LRRC3B: variants seen among roughly 807,000 people sequenced by gnomAD.
LRRC3B encodes leucine-rich repeat-containing protein 3B.
A neutral mutation model predicts 12.8 loss-of-function variants in LRRC3B; 2 were observed. The observed-to-expected ratio is 0.16, with a 90% CI of 0.06 to 0.49. LRRC3B has a LOEUF of 0.49. Ranked by LOEUF, LRRC3B falls within the 20% of genes least tolerant of loss-of-function variation. The pLI is 0.96. For missense variants in LRRC3B, 189 were observed against 319.4 expected, an observed-to-expected ratio of 0.59 and a Z score of 3.11; for synonymous variants, 132 against 122.0, an observed-to-expected ratio of 1.08 and a Z score of -0.54.
intron 1 of LRRC3B, among the ~76,000 whole-genome samples, chr3:26,634,273 A>G (rs1001730798): frequency 2.0e-5 from 3 of 152,202 alleles, no homozygotes; most frequent in African/African-American, 7.2e-5. Flanking sequence ...CTTGCAAAGA[A>G]TCAGACAAGT....
At chr3:26,680,765 A>G (rs544945099) in intron 1 of LRRC3B, among the ~76,000 whole-genome samples, 1 of 152,338 alleles carries the variant, frequency 6.6e-6, no homozygotes, top group East Asian at 1.9e-4. Context: ...GTCTCCAACA[A>G]CTTTGTTTCA....
intron 1 of LRRC3B, among the ~76,000 whole-genome samples, chr3:26,695,371 C>T (rs1234313878): frequency 6.6e-6 from 1 of 151,992 alleles, no homozygotes; most frequent in Non-Finnish European, 1.5e-5. Flanking sequence ...ACTAAAAATA[C>T]AAAAAATTAG....
At chr3:26,709,594 G>T in exon 2 of LRRC3B, 1 of 1,379,066 alleles carries the variant, frequency 7.3e-7, no homozygotes, top group Non-Finnish European at 1.0e-6. Flanking sequence ...GAAATCAATA[G>T]TGTGGACAGG....
At chr3:26,690,287 T>C (rs1345946544) in intron 1 of LRRC3B, among the ~76,000 whole-genome samples, 4 of 152,208 alleles carry the variant, frequency 2.6e-5, no homozygotes, top group Non-Finnish European at 5.9e-5. Flanking sequence ...TACATTATCT[T>C]GTTCTGGAAA....
chr3:26,680,906 T>C (rs1165605322), intron 1 of LRRC3B, among the ~76,000 whole-genome samples: 1 of 152,198 alleles, frequency 6.6e-6, no homozygotes, highest in Non-Finnish European at 1.5e-5. Context: ...CATTCCTATA[T>C]CATTATTAAT....
intron 1 of LRRC3B, among the ~76,000 whole-genome samples, chr3:26,669,787 T>C (rs1699682586): frequency 6.6e-6 from 1 of 152,250 alleles, no homozygotes; most frequent in Non-Finnish European, 1.5e-5. Flanking sequence ...TTTCCATAAG[T>C]GGCATGTGCT....
intron 1 of LRRC3B, among the ~76,000 whole-genome samples, chr3:26,671,373 T>TATATAGAGAG (rs1261897533): frequency 8.9e-4 from 25 of 28,244 alleles, no homozygotes; most frequent in South Asian, 4.3e-3. Context: ...TATATATATA[T>TATATAGAGAG]AGAGAGAGAG....
At chr3:26,671,846 T>C (rs1383824085) in intron 1 of LRRC3B, among the ~76,000 whole-genome samples, 1 of 152,198 alleles carries the variant, frequency 6.6e-6, no homozygotes, top group Non-Finnish European at 1.5e-5. Flanking sequence ...CCTAGAATTC[T>C]TTCTCTTACA....
chr3:26,709,725 TAC>T lies in LRRC3B; in HGVS notation c.55_56del (p.Gln19LysfsTer32), dbSNP rs755477193. 1 of 1,614,170 alleles carries T rather than the reference TAC, an allele frequency of 6.2e-7. No individual in the cohort carries two copies. Among genetic ancestry groups the T allele is most frequent in the Non-Finnish European group, 8.5e-7 (1 of 1,180,012 alleles). On this transcript the variant is annotated frameshift_variant, in exon 2 of 2. Coordinates refer to ENST00000396641, the Ensembl canonical transcript of LRRC3B. LOFTEE classifies it high-confidence loss of function. Reference sequence around the variant, plus strand: ...CGTTCCCTCTCCATGTGTCTCCTCCTACAAAGTTTTGTTCTTATGATACTGTG... The same window carrying T: ...CGTTCCCTCTCCATGTGTCTCCTCCTAAAGTTTTGTTCTTATGATACTGTG...
At chr3:26,677,310 G>A (rs535576601) in intron 1 of LRRC3B, among the ~76,000 whole-genome samples, 1 of 152,290 alleles carries the variant, frequency 6.6e-6, no homozygotes, top group East Asian at 1.9e-4. Context: ...CAGTATTCTG[G>A]TGTACTTCCC....
At chr3:26,627,640 A>G (rs1461115413) in intron 1 of LRRC3B, among the ~76,000 whole-genome samples, 2 of 151,718 alleles carry the variant, frequency 1.3e-5, no homozygotes, top group African/African-American at 4.8e-5. Flanking sequence ...TTTTTTTCCT[A>G]CCCTCGACCT....
chr3:26,673,393 G>A (rs1399459523), intron 1 of LRRC3B, among the ~76,000 whole-genome samples: 1 of 152,016 alleles, frequency 6.6e-6, no homozygotes, highest in Admixed American at 6.6e-5. Context: ...AGGTAGATGG[G>A]GAGAAAAAAA....
intron 1 of LRRC3B, among the ~76,000 whole-genome samples, chr3:26,635,955 A>G (rs1698859499): frequency 6.6e-6 from 1 of 152,228 alleles, no homozygotes; most frequent in African/African-American, 2.4e-5. Context: ...AAGAAAAAAT[A>G]AATTATTTTA....
chr3:26,677,251 T>C (rs990105122), intron 1 of LRRC3B, among the ~76,000 whole-genome samples: 4 of 152,236 alleles, frequency 2.6e-5, no homozygotes, highest in African/African-American at 9.6e-5. Context: ...CCATGTTTTT[T>C]TCTGGAGAGT....
intron 1 of LRRC3B, among the ~76,000 whole-genome samples, chr3:26,646,423 C>T (rs981677005): frequency 1.3e-5 from 2 of 152,000 alleles, no homozygotes; most frequent in Non-Finnish European, 2.9e-5. Context: ...CAACACCGAT[C>T]AAGATCCATT....
rs1279572755 is a variant in LRRC3B at position 26,671,046 on chromosome 3, C to T, written c.-160-38467C>T. The stretch of plus-strand genomic sequence containing the variant: ...TTTTTTTTTTTTTGAGACGGAGTCT[C>T]GCTCTGTCGCCCAGGCTGGAGTGCA... On this transcript the variant is annotated intron_variant, in intron 1 of 1. Transcript: ENST00000396641. Among the ~76,000 whole-genome samples, 22 of 114,750 alleles carry T rather than the reference C, an allele frequency of 1.9e-4. No homozygotes were observed. The East Asian group carries it at 2.2e-3, about 12-fold the overall frequency. 75.3% of individuals were successfully genotyped at this position (114,750 alleles called of 152,430 possible).
At chr3:26,677,769 A>T (rs1299844897) in intron 1 of LRRC3B, among the ~76,000 whole-genome samples, 1 of 148,772 alleles carries the variant, frequency 6.7e-6, no homozygotes, top group African/African-American at 2.5e-5. Context: ...ATAAATAGCC[A>T]TTTTTTTTCT....
rs10707193 is a variant in LRRC3B at position 26,640,426 on chromosome 3, TAAAAA to T, written c.-161+17201_-161+17205del. Among the ~76,000 whole-genome samples the T allele has an allele frequency of 7.8e-4, 109 of 140,198 alleles. 1 individual carries two copies. The highest frequency in any genetic ancestry group is 2.6e-3 in the African/African-American group (100 of 38,678). 92.0% of individuals were successfully genotyped at this position (140,198 alleles called of 152,430 possible). On this transcript the variant is annotated intron_variant, in intron 1 of 1. Coordinates refer to ENST00000396641, the Ensembl canonical transcript of LRRC3B. ...TAAGTCATTGTTATGCCTTATAAAC[TAAAAA>T]AAAAAAAAAAACCCAAAAAACAAAA...
chr3:26,707,545 C>G (rs976105336), intron 1 of LRRC3B, among the ~76,000 whole-genome samples: 2 of 152,106 alleles, frequency 1.3e-5, no homozygotes, highest in Non-Finnish European at 2.9e-5. Flanking sequence ...TAATGAATCC[C>G]AAGAGAAATA....
Sources: allele counts gnomAD v4.1 joint callset (sites outside exome capture counted in the v4.1 genomes callset), GRCh38; gene constraint gnomAD v4.1.1; transcripts MANE v1.5; gene names NCBI Gene and HGNC (gene_info 2026-07-23, HGNC 2026-07-21).